The following TNS3 variants were observed in gnomAD, a reference collection of about 807,000 sequenced individuals.
TNS3 encodes the protein tensin-3.
TNS3 carries 45 observed loss-of-function variants against 140.9 expected under a neutral mutation model. The ratio of observed to expected loss-of-function variants is 0.32; its 90% CI spans 0.25 to 0.41. The LOEUF (loss-of-function observed/expected upper bound fraction) is 0.41. TNS3 is among the 10% of genes least tolerant of loss of function. The pLI, the probability that TNS3 is intolerant of heterozygous loss-of-function variation, is 1.00. For synonymous variants in TNS3, 815 were observed against 788.4 expected, an observed-to-expected ratio of 1.03 and a Z score of -0.56; for missense variants, 1,716 against 1,906.7, an observed-to-expected ratio of 0.90 and a Z score of 1.86.
intron 2 of TNS3, among the ~76,000 whole-genome samples, chr7:47,513,481 A>G (rs1798676164): frequency 6.6e-6 from 1 of 152,238 alleles, no homozygotes; most frequent in Non-Finnish European, 1.5e-5. Flanking sequence ...AAAATAATCT[A>G]ATTTTTAAAT....
chr7:47,377,979 T>C (rs968241351), intron 16 of TNS3, among the ~76,000 whole-genome samples: 8 of 152,082 alleles, frequency 5.3e-5, no homozygotes, highest in Admixed American at 4.6e-4. Flanking sequence ...GGTTCTGGCA[T>C]AATCCAGGCT....
intron 1 of TNS3, among the ~76,000 whole-genome samples, chr7:47,540,196 C>T (rs1241955420): frequency 6.6e-6 from 1 of 152,140 alleles, no homozygotes; most frequent in East Asian, 1.9e-4. Context: ...AAACGAGGTT[C>T]TTCCCAGGAA....
intron 16 of TNS3, among the ~76,000 whole-genome samples, chr7:47,381,050 T>C (rs1465768636): frequency 8.5e-5 from 13 of 152,152 alleles, no homozygotes; most frequent in Non-Finnish European, 1.5e-5. Context: ...TGCACTCAGG[T>C]TGAGTGAAAT....
intron 8 of TNS3, among the ~76,000 whole-genome samples, chr7:47,432,173 GAGT>G: frequency 6.6e-6 from 1 of 152,198 alleles, no homozygotes; most frequent in East Asian, 1.9e-4. Flanking sequence ...TGGCAGTATT[GAGT>G]GGTGAGGCCT....
chr7:47,562,283 T>C (rs1276132700), intron 1 of TNS3, among the ~76,000 whole-genome samples: 3 of 152,290 alleles, frequency 2.0e-5, no homozygotes, highest in Admixed American at 6.5e-5. Flanking sequence ...ATCTTTATCA[T>C]TGATAGTTAT....
At chr7:47,343,427 C>T (rs1789135253) in intron 20 of TNS3, among the ~76,000 whole-genome samples, 1 of 152,148 alleles carries the variant, frequency 6.6e-6, no homozygotes. Flanking sequence ...GGCTTATTAC[C>T]CACCTTCCAC....
At chr7:47,549,871 C>G (rs1289662197) in intron 1 of TNS3, among the ~76,000 whole-genome samples, 1 of 152,164 alleles carries the variant, frequency 6.6e-6, no homozygotes, top group Non-Finnish European at 1.5e-5. Context: ...CTGGCCCATT[C>G]CAGGTTTTTC....
chr7:47,427,328 C>T (rs1435101686), intron 9 of TNS3, among the ~76,000 whole-genome samples: 3 of 152,064 alleles, frequency 2.0e-5, no homozygotes, highest in African/African-American at 7.2e-5. Context: ...TTGGTTTCCT[C>T]CCTGGCAGGC....
chr7:47,558,740 C>T (rs771922912), intron 1 of TNS3, among the ~76,000 whole-genome samples: 7 of 152,178 alleles, frequency 4.6e-5, no homozygotes, highest in African/African-American at 1.2e-4. Context: ...GCTCTGCCTC[C>T]CCAGGGTCCC....
chr7:47,494,127 CA>C (rs1303859973), intron 3 of TNS3, among the ~76,000 whole-genome samples: 1 of 152,222 alleles, frequency 6.6e-6, no homozygotes, highest in Non-Finnish European at 1.5e-5. Context: ...CCCCTGTTCA[CA>C]AAATCCTGCC....
Position 47,346,204 on chromosome 7 carries a change from G to A in TNS3, c.2434C>T (p.Pro812Ser). Residue 812 changes from proline (P) to serine (S), a missense_variant, in exon 18 of 31, where the codon CCA becomes TCA. Physicochemically the swap from Pro to Ser is moderately conservative, Grantham distance 74 (BLOSUM62 -1). Transcript: ENST00000311160. ...GCACATACCTCTTTGACGTCCGCTG[G>A]TGAGGGGAATGGCGGCAGGTTTGGG... ...YAPNLPPFPSPADVKETMTPG... is the reference protein window; with the variant it reads ...YAPNLPPFPSSADVKETMTPG... The A allele has an allele frequency of 2.5e-6, 4 of 1,614,202 alleles. No individual in the cohort carries two copies. Among genetic ancestry groups the A allele is most frequent in the African/African-American group, 2.7e-5 (2 of 75,064 alleles).
rs1584293179 is a variant in TNS3, at chr7:47,278,073, T to G, written c.*3A>C. ...CGGTGGGTCCAGGGAGGGAGGGGAG[T>G]TCTCAGACCTTCTTTGGGGAACCAA... is the stretch of plus-strand genomic sequence containing the variant. On this transcript the variant is annotated 3_prime_UTR_variant, in exon 31 of 31. Transcript: ENST00000311160. 1.2e-6 allele frequency: 2 copies of G among 1,613,404 alleles called. No homozygotes were observed. The highest frequency in any genetic ancestry group is 2.7e-5 in the African/African-American group (2 of 74,796).
At chr7:47,351,975 C>G (rs901178969) in intron 17 of TNS3, among the ~76,000 whole-genome samples, 2 of 152,146 alleles carry the variant, frequency 1.3e-5, no homozygotes, top group Non-Finnish European at 2.9e-5. Flanking sequence ...CACACACTTG[C>G]AGACACATGT....
chr7:47,478,651 T>G (rs952837741), intron 4 of TNS3, among the ~76,000 whole-genome samples: 28 of 152,018 alleles, frequency 1.8e-4, no homozygotes, highest in African/African-American at 6.5e-4. Context: ...TATAAACAAT[T>G]ACATAACATA....
intron 1 of TNS3, among the ~76,000 whole-genome samples, chr7:47,574,876 A>G (rs193232209): frequency 9.2e-5 from 14 of 152,294 alleles, no homozygotes; most frequent in African/African-American, 3.1e-4. Context: ...ATGGGGAGTT[A>G]GTGCTTAAGG....
At chr7:47,573,816 T>C (rs2152021510) in intron 1 of TNS3, among the ~76,000 whole-genome samples, 1 of 152,296 alleles carries the variant, frequency 6.6e-6, no homozygotes, top group Admixed American at 6.5e-5. Flanking sequence ...ATGCCCACGT[T>C]GGAAAAGATG....
At chr7:47,525,960 G>A (rs1342401691) in intron 2 of TNS3, among the ~76,000 whole-genome samples, 1 of 152,194 alleles carries the variant, frequency 6.6e-6, no homozygotes, top group African/African-American at 2.4e-5. Flanking sequence ...TGCAACTGCA[G>A]GACAGAGGAA....
At chr7:47,455,035 C>T (rs1312616220) in intron 4 of TNS3, among the ~76,000 whole-genome samples, 9 of 152,192 alleles carry the variant, frequency 5.9e-5, no homozygotes. Flanking sequence ...TGGAAACCAG[C>T]CCCTCAGGGC....
At chr7:47,552,010 A>G (rs1800077468) in intron 1 of TNS3, among the ~76,000 whole-genome samples, 1 of 152,082 alleles carries the variant, frequency 6.6e-6, no homozygotes, top group Non-Finnish European at 1.5e-5. Context: ...AAATGGAAAC[A>G]TTTAAACAGA....
Sources: gnomAD v4.1 joint callset for allele counts (sites outside exome capture counted in the v4.1 genomes callset) on GRCh38, gnomAD v4.1.1 for gene constraint, MANE v1.5 for transcripts, NCBI Gene and HGNC (gene_info 2026-07-23, HGNC 2026-07-21) for gene names.